The following HS6ST1 variants were observed in gnomAD, a reference collection of about 807,000 sequenced individuals.
The protein encoded by HS6ST1 is heparan-sulfate 6-O-sulfotransferase 1.
In HS6ST1, 3 loss-of-function variants were observed where a neutral mutation model predicts 25.2. The observed-to-expected ratio is 0.12, with a 90% CI of 0.05 to 0.31. HS6ST1 has a LOEUF of 0.31. HS6ST1 is among the 10% of genes least tolerant of loss of function. HS6ST1 has a pLI of 1.00. For missense variants in HS6ST1, 310 were observed against 609.6 expected, an observed-to-expected ratio of 0.51 and a Z score of 5.18; for synonymous variants, 204 against 275.1, an observed-to-expected ratio of 0.74 and a Z score of 2.56.
intron 1 of HS6ST1, among the ~76,000 whole-genome samples, chr2:128,282,234 A>G (rs1363948929): frequency 1.3e-5 from 2 of 152,234 alleles, no homozygotes; most frequent in Non-Finnish European, 2.9e-5. Flanking sequence ...GTCTGCATAA[A>G]GAAAAAACCA....
intron 1 of HS6ST1, among the ~76,000 whole-genome samples, chr2:128,307,066 C>T (rs1473970576): frequency 1.3e-5 from 2 of 151,874 alleles, no homozygotes; most frequent in African/African-American, 2.4e-5. Flanking sequence ...GCCGTGGGTT[C>T]CAGGCTCTGG....
chr2:128,284,651 C>T (rs13422573), intron 1 of HS6ST1, among the ~76,000 whole-genome samples: 158 of 152,250 alleles, frequency 1.0e-3, no homozygotes, highest in African/African-American at 3.6e-3. Flanking sequence ...TGATACCCAG[C>T]TAATTTTTGT....
intron 1 of HS6ST1, among the ~76,000 whole-genome samples, chr2:128,305,373 C>T (rs62158068): frequency 0.28 from 42,383 of 152,154 alleles, 7,066 homozygotes; most frequent in East Asian, 0.77. Flanking sequence ...TGAACTTTTG[C>T]AGGGTTCAGG....
chr2:128,281,044 C>G (rs1693777878), intron 1 of HS6ST1, among the ~76,000 whole-genome samples: 2 of 152,258 alleles, frequency 1.3e-5, no homozygotes, highest in African/African-American at 2.4e-5. Context: ...CTACTCACCC[C>G]CTCAAGCATG....
intron 1 of HS6ST1, among the ~76,000 whole-genome samples, chr2:128,295,145 G>A (rs1450923904): frequency 1.3e-5 from 2 of 152,194 alleles, no homozygotes; most frequent in East Asian, 3.9e-4. Context: ...AAGGGCTACT[G>A]TGAACACCGT....
Position 128,318,716 on chromosome 2 carries a change from G to C in HS6ST1, c.-153C>G, listed in dbSNP as rs1694417105. The C allele has an allele frequency of 1.3e-5, 2 of 148,308 alleles. No individual in the cohort carries two copies. Among genetic ancestry groups the C allele is most frequent in the Non-Finnish European group, 3.0e-5 (2 of 67,600 alleles). 9.2% of individuals were successfully genotyped at this position (148,308 alleles called of 1,614,324 possible). The stretch of plus-strand genomic sequence containing the variant: ...AGCGGCGCGGGCCCCGACCCTCCGC[G>C]GTGCCATGGCTGCTCCCCGCCCGGC... On this transcript the variant is annotated 5_prime_UTR_variant, in exon 1 of 2. Coordinates refer to ENST00000259241, the MANE Select transcript of HS6ST1 (RefSeq NM_004807.3). The surrounding 1 kb of genome is among the most constrained non-coding windows in gnomAD (Gnocchi z 5.7).
At chr2:128,280,754 C>T (rs970833992) in intron 1 of HS6ST1, among the ~76,000 whole-genome samples, 1 of 152,134 alleles carries the variant, frequency 6.6e-6, no homozygotes, top group Admixed American at 6.5e-5. Context: ...GGAGAGGGGC[C>T]CCATGACATC....
At position 128,267,805 on chromosome 2, in the gene HS6ST1, T is replaced by C. The variant is rs1693543767; in HGVS notation, c.*357A>G. 2 of 381,018 alleles carry C rather than the reference T, an allele frequency of 5.2e-6. No homozygotes were observed. The highest frequency in any genetic ancestry group is 9.7e-6 in the Non-Finnish European group (2 of 206,520). 23.6% of individuals were successfully genotyped at this position (381,018 alleles called of 1,614,324 possible). On this transcript the variant is annotated 3_prime_UTR_variant, in exon 2 of 2. Coordinates refer to ENST00000259241, the MANE Select transcript of HS6ST1 (RefSeq NM_004807.3). ...GTTGGTGAGGGACACACTCCCGGCC[T>C]GGCAGGTCCACTTTCCGCTGTCCTC...
At position 128,306,928 on chromosome 2, in the gene HS6ST1, A is replaced by G. The variant is rs367895508; in HGVS notation, c.527+11109T>C. ...TCGTCACTGTCATGGGGGGAGGCTG[A>G]GGCACAGGGCGTGGACATTCAGCTC... On this transcript the variant is annotated intron_variant, in intron 1 of 1. Coordinates refer to ENST00000259241, the MANE Select transcript of HS6ST1 (RefSeq NM_004807.3). 1.3e-4 allele frequency among the ~76,000 whole-genome samples: 19 copies of G among 151,744 alleles called. No individual in the cohort carries two copies. In the South Asian group the frequency reaches 3.7e-3, roughly 30 times the overall value.
chr2:128,282,798 G>A (rs972383891), intron 1 of HS6ST1, among the ~76,000 whole-genome samples: 1 of 152,232 alleles, frequency 6.6e-6, no homozygotes, highest in Admixed American at 6.5e-5. Flanking sequence ...CACTGCGGAG[G>A]AGCAGAGGGC....
At chr2:128,313,428 G>T (rs893433065) in intron 1 of HS6ST1, among the ~76,000 whole-genome samples, 3 of 152,318 alleles carry the variant, frequency 2.0e-5, no homozygotes, top group African/African-American at 7.2e-5. Context: ...CATTTATGGT[G>T]AAATTTATAT....
intron 1 of HS6ST1, among the ~76,000 whole-genome samples, chr2:128,315,506 C>T (rs1372801642): frequency 6.6e-6 from 1 of 152,166 alleles, no homozygotes; most frequent in East Asian, 1.9e-4. Context: ...GTCTCAGTCC[C>T]CAGAGAACAC....
At chr2:128,272,044 G>A (rs1693616341) in intron 1 of HS6ST1, among the ~76,000 whole-genome samples, 1 of 152,228 alleles carries the variant, frequency 6.6e-6, no homozygotes, top group Admixed American at 6.5e-5. Context: ...GCAGGAGCCT[G>A]GTGGTGAGGG....
chr2:128,317,175 C>G (rs1694384089), intron 1 of HS6ST1, among the ~76,000 whole-genome samples: 1 of 152,230 alleles, frequency 6.6e-6, no homozygotes, highest in Admixed American at 6.5e-5. Context: ...CCCCAGGTTC[C>G]CCTACAAACG....
Position 128,268,921 on chromosome 2 carries a change from G to A in HS6ST1, c.528-51C>T, listed in dbSNP as rs1176646944. On this transcript the variant is annotated intron_variant, in intron 1 of 1. Coordinates refer to ENST00000259241, the MANE Select transcript of HS6ST1 (RefSeq NM_004807.3). ...GAGGGCTGTGACGCAGCATGAGGGG[G>A]GCTACCAGGGCTGCTCTGAGTCAAA... 4 of 1,471,826 alleles carry A rather than the reference G, an allele frequency of 2.7e-6. No individual in the cohort carries two copies. In the African/African-American group the frequency reaches 4.2e-5, roughly 15 times the overall value. 91.2% of individuals were successfully genotyped at this position (1,471,826 alleles called of 1,614,324 possible).
chr2:128,317,827 C>A (rs1480830828), intron 1 of HS6ST1, among the ~76,000 whole-genome samples: 1 of 152,180 alleles, frequency 6.6e-6, no homozygotes. Context: ...AGAGTGAGAG[C>A]GAGGTCAGAA....
intron 1 of HS6ST1, among the ~76,000 whole-genome samples, chr2:128,278,526 C>T (rs1432339266): frequency 1.3e-5 from 2 of 152,164 alleles, no homozygotes; most frequent in Non-Finnish European, 2.9e-5. Context: ...AGGGTGTGCA[C>T]TGGAGTGTGA....
At chr2:128,276,929 C>T (rs1177493648) in intron 1 of HS6ST1, among the ~76,000 whole-genome samples, 1 of 152,184 alleles carries the variant, frequency 6.6e-6, no homozygotes, top group Non-Finnish European at 1.5e-5. Context: ...GTGGAGGGCC[C>T]CTGTGGGTAT....
chr2:128,276,746 C>T (rs2104914473), intron 1 of HS6ST1, among the ~76,000 whole-genome samples: 1 of 152,240 alleles, frequency 6.6e-6, no homozygotes, highest in Non-Finnish European at 1.5e-5. Context: ...TCTTGTAAAG[C>T]CAGAGCCTCC....
Sources: gnomAD v4.1 joint callset for allele counts (sites outside exome capture counted in the v4.1 genomes callset) on GRCh38, gnomAD v4.1.1 for gene constraint, Gnocchi (gnomAD v3.1) non-coding constraint, MANE v1.5 for transcripts, NCBI Gene and HGNC (gene_info 2026-07-23, HGNC 2026-07-21) for gene names.